TEX9: variants seen among roughly 807,000 people sequenced by gnomAD.
The protein encoded by TEX9 is testis-expressed protein 9.
A neutral mutation model predicts 59.6 loss-of-function variants in TEX9; 74 were observed. That is an observed-to-expected ratio of 1.24 (90% CI 1.03 to 1.51). TEX9 has a LOEUF of 1.51. Among genes scored for constraint, TEX9 ranks in the 40% most tolerant of loss-of-function variants. The pLI is 0.00. For missense variants in TEX9, 522 were observed against 447.8 expected (o/e 1.17, Z -1.49); for synonymous variants, 186 against 152.2 (o/e 1.22, Z -1.64).
chr15:56,375,135 T>G (rs1478082553), intron 3 of TEX9, among the ~76,000 whole-genome samples: 1 of 152,106 alleles, frequency 6.6e-6, no homozygotes, highest in East Asian at 1.9e-4. Context: ...CCACCAACAG[T>G]GTAAAAGTGT....
Position 56,368,145 on chromosome 15 carries a change from A to G in TEX9, c.119+2475A>G, listed in dbSNP as rs373464541. On this transcript the variant is annotated intron_variant, in intron 2 of 12. Coordinates refer to ENST00000352903, the Ensembl canonical transcript of TEX9. ...AGGGTTTTGGTAGATTCTTTTTATT[A>G]TGTTTAAAATTCTTCCCCTTAATTC... Among the ~76,000 whole-genome samples the G allele has an allele frequency of 5.3e-5, 8 of 152,208 alleles. 1 individual carries two copies. Among genetic ancestry groups the G allele is most frequent in the Admixed American group, 2.6e-4 (4 of 15,286 alleles).
At chr15:56,262,069 G>A (rs1223818886) in intron 1 of TEX9, among the ~76,000 whole-genome samples, 3 of 152,198 alleles carry the variant, frequency 2.0e-5, no homozygotes, top group Admixed American at 2.0e-4. Context: ...GCTGGCCACT[G>A]TGAACTACAG....
intron 1 of TEX9, among the ~76,000 whole-genome samples, chr15:56,284,238 C>A (rs746184126): frequency 6.6e-6 from 1 of 152,104 alleles, no homozygotes; most frequent in Non-Finnish European, 1.5e-5. Context: ...CTCAAGTGAT[C>A]CTCCTGCTTC....
intron 12 of TEX9, among the ~76,000 whole-genome samples, chr15:56,445,400 C>T (rs1294521234): frequency 6.6e-6 from 1 of 151,934 alleles, no homozygotes; most frequent in African/African-American, 2.4e-5. Flanking sequence ...TTTTAAACTA[C>T]GCTTTACTTT....
chr15:56,444,328 TATTG>T, intron 12 of TEX9: 1 of 776,280 alleles, frequency 1.3e-6, no homozygotes. Flanking sequence ...AGCTAGTATT[TATTG>T]AGCACTTACT....
At chr15:56,417,394 T>C (rs1417130315) in intron 10 of TEX9, among the ~76,000 whole-genome samples, 1 of 151,962 alleles carries the variant, frequency 6.6e-6, no homozygotes, top group Non-Finnish European at 1.5e-5. Flanking sequence ...TCTGGTATGT[T>C]ATATCTTTGT....
At chr15:56,271,553 C>A (rs2044531840) in intron 1 of TEX9, among the ~76,000 whole-genome samples, 1 of 152,146 alleles carries the variant, frequency 6.6e-6, no homozygotes, top group Non-Finnish European at 1.5e-5. Context: ...CCCACCTTGG[C>A]TTCCCAAAAT....
chr15:56,341,093 C>T (rs2046363957), intron 1 of TEX9, among the ~76,000 whole-genome samples: 1 of 152,058 alleles, frequency 6.6e-6, no homozygotes, highest in African/African-American at 2.4e-5. Flanking sequence ...TAAAGTTCTG[C>T]CACTCTTAAA....
intron 3 of TEX9, chr15:56,374,208 A>G (rs2047320148): frequency 6.6e-6 from 1 of 151,846 alleles, no homozygotes; most frequent in Non-Finnish European, 1.5e-5. Context: ...ACCCCACGTT[A>G]TAGTAGAATG....
At position 56,434,733 on chromosome 15, in the gene TEX9, C is replaced by T. The variant is rs375549336; in HGVS notation, c.*29+6260C>T. Among the ~76,000 whole-genome samples the T allele has an allele frequency of 3.3e-5, 5 of 152,226 alleles. No individual in the cohort carries two copies. The East Asian group carries it at 9.6e-4, about 29-fold the overall frequency. On this transcript the variant is annotated intron_variant, in intron 12 of 12. Transcript: ENST00000352903. ...TTTATTCATCTAAAGTCTATGGTAA[C>T]TATGAATCATTCTAGAATCTTGCTT...
intron 1 of TEX9, among the ~76,000 whole-genome samples, chr15:56,277,046 T>C (rs1227855147): frequency 2.6e-5 from 4 of 152,130 alleles, no homozygotes; most frequent in African/African-American, 4.8e-5. Flanking sequence ...TTGTTTAAGA[T>C]CGTTGTAGAT....
At chr15:56,354,489 G>T (rs563266636) in intron 1 of TEX9, among the ~76,000 whole-genome samples, 1 of 152,258 alleles carries the variant, frequency 6.6e-6, no homozygotes, top group African/African-American at 2.4e-5. Flanking sequence ...AGAATGTTGT[G>T]TTAGTTATAT....
At chr15:56,459,287 G>C in the TEX9 span, among the ~76,000 whole-genome samples, 6 of 152,176 alleles carry the variant, frequency 3.9e-5, no homozygotes, top group African/African-American at 1.4e-4. Context: ...GCATGTATCA[G>C]TAATTCATTC....
rs186552073 is a variant in TEX9, at chr15:56,270,037, A to C, written c.-107+25759A>C. ...AGTTTGTTGTGATTTCTGTTCTTTT[A>C]CATTTGCTGAGGAGTGCTTTACTTC... On this transcript the variant is annotated intron_variant, in intron 1 of 5. Coordinates refer to the TEX9 transcript ENST00000560827. Among the ~76,000 whole-genome samples the C allele has an allele frequency of 2.7e-3, 406 of 152,242 alleles. 4 individuals are homozygous for C. Among genetic ancestry groups the C allele is most frequent in the African/African-American group, 9.3e-3 (386 of 41,532 alleles).
chr15:56,379,342 A>G (rs925435143), intron 3 of TEX9, among the ~76,000 whole-genome samples: 3 of 152,130 alleles, frequency 2.0e-5, no homozygotes, highest in Non-Finnish European at 2.9e-5. Context: ...TCTAATTTCT[A>G]TGTCTTTGTA....
chr15:56,251,659 CTG>C (rs1342286632), intron 1 of TEX9, among the ~76,000 whole-genome samples: 10 of 152,044 alleles, frequency 6.6e-5, no homozygotes, highest in African/African-American at 2.4e-4. Flanking sequence ...TAAGCAGAAA[CTG>C]TGTGAAGAGG....
chr15:56,423,097 T>G (rs533169644), intron 10 of TEX9, among the ~76,000 whole-genome samples: 1 of 152,178 alleles, frequency 6.6e-6, no homozygotes, highest in South Asian at 2.1e-4. Context: ...TGAGTTGCAC[T>G]GCTTTGAACA....
At chr15:56,449,497 G>A (rs936264910), downstream of TEX9, among the ~76,000 whole-genome samples, 2 of 152,210 alleles carry the variant, frequency 1.3e-5, no homozygotes, top group Non-Finnish European at 2.9e-5. Flanking sequence ...ACTGGATTTC[G>A]TATTGACTAA....
At chr15:56,429,158 A>G (rs770230499) in intron 12 of TEX9, 35 of 1,602,218 alleles carry the variant, frequency 2.2e-5, no homozygotes, top group Non-Finnish European at 2.8e-5. Flanking sequence ...ACTCTTCACC[A>G]AGCAGATCAA....
Sources: allele counts gnomAD v4.1 joint callset (sites outside exome capture counted in the v4.1 genomes callset), GRCh38; gene constraint gnomAD v4.1.1; transcripts MANE v1.5; gene names NCBI Gene and HGNC (gene_info 2026-07-23, HGNC 2026-07-21).